The following CNTNAP2 variants were observed in gnomAD, a reference collection of about 807,000 sequenced individuals.
The protein encoded by CNTNAP2 is contactin-associated protein-like 2.
Under a neutral mutation model 155.2 loss-of-function variants are expected in CNTNAP2, and 98 were observed. That is an observed-to-expected ratio of 0.63 (90% confidence interval 0.54 to 0.75). CNTNAP2 has a LOEUF of 0.75. Ranked by LOEUF, CNTNAP2 falls within the 30% of genes least tolerant of loss-of-function variation. The probability of loss-of-function intolerance (pLI) is 0.00; values close to 1 mark genes in which losing one functional copy is unlikely to be tolerated. For synonymous variants in CNTNAP2, 651 were observed against 631.2 expected, an observed-to-expected ratio of 1.03 and a Z score of -0.47; for missense variants, 1,727 against 1,688.1, an observed-to-expected ratio of 1.02 and a Z score of -0.40.
intron 15 of CNTNAP2, among the ~76,000 whole-genome samples, chr7:148,077,638 C>T (rs983126983): frequency 1.3e-5 from 2 of 151,974 alleles, no homozygotes; most frequent in African/African-American, 4.8e-5. Flanking sequence ...TTCTTTTTTT[C>T]GGATATAAAA....
At chr7:146,584,679 G>T (rs749252019) in intron 1 of CNTNAP2, among the ~76,000 whole-genome samples, 15 of 152,090 alleles carry the variant, frequency 9.9e-5, no homozygotes, top group Non-Finnish European at 1.8e-4. Flanking sequence ...TCTTCCAGAA[G>T]CCGGCCCTGC....
At chr7:148,283,842 A>G (rs1797032610) in intron 21 of CNTNAP2, among the ~76,000 whole-genome samples, 1 of 152,216 alleles carries the variant, frequency 6.6e-6, no homozygotes. Context: ...AATGTTAATA[A>G]ATCAACAACA....
intron 1 of CNTNAP2, among the ~76,000 whole-genome samples, chr7:146,670,151 C>A (rs1324832758): frequency 6.6e-6 from 1 of 152,124 alleles, no homozygotes. Flanking sequence ...CCAGATACTA[C>A]TAGGCCAAGT....
chr7:147,175,619 T>C (rs1802323865), intron 8 of CNTNAP2, among the ~76,000 whole-genome samples: 1 of 152,152 alleles, frequency 6.6e-6, no homozygotes, highest in African/African-American at 2.4e-5. Context: ...TTCACACATC[T>C]ATTTAAAGAT....
At chr7:147,849,177 C>T (rs1798875950) in intron 13 of CNTNAP2, among the ~76,000 whole-genome samples, 2 of 152,112 alleles carry the variant, frequency 1.3e-5, no homozygotes, top group South Asian at 4.1e-4. Context: ...TGACCATTAG[C>T]ATAATATAGT....
At chr7:148,297,438 C>T (rs1026852285) in intron 21 of CNTNAP2, among the ~76,000 whole-genome samples, 1 of 152,152 alleles carries the variant, frequency 6.6e-6, no homozygotes. Flanking sequence ...CCACTAGGAG[C>T]CCACCTGTAG....
At chr7:146,841,397 T>C (rs751503990) in intron 3 of CNTNAP2, among the ~76,000 whole-genome samples, 7 of 151,384 alleles carry the variant, frequency 4.6e-5, no homozygotes, top group Middle Eastern at 3.4e-3. Context: ...GAGGGAGAAA[T>C]CAAGTGGCCA....
rs58880022 is a variant in CNTNAP2 at position 147,608,883 on chromosome 7, G to A, written c.1898-30223G>A. On this transcript the variant is annotated intron_variant, in intron 12 of 23. Coordinates refer to ENST00000361727, the MANE Select transcript of CNTNAP2 (RefSeq NM_014141.6). The stretch of plus-strand genomic sequence containing the variant: ...GTAGTGGAAAATTACAGTCAAAGGG[G>A]GTTGTTCTCTGGCAGGCAGGGGCGG... Among the ~76,000 whole-genome samples, 1,149 of 152,182 alleles carry A rather than the reference G, an allele frequency of 7.6e-3. 17 individuals are homozygous for A. The highest frequency in any genetic ancestry group is 0.026 in the African/African-American group (1,092 of 41,520).
At chr7:147,225,636 A>G (rs565450249) in intron 8 of CNTNAP2, among the ~76,000 whole-genome samples, 6 of 152,254 alleles carry the variant, frequency 3.9e-5, no homozygotes, top group African/African-American at 1.4e-4. Flanking sequence ...AAAATGAAAC[A>G]GCATTAGGAC....
chr7:148,092,485 T>C (rs1160998908), intron 15 of CNTNAP2, among the ~76,000 whole-genome samples: 2 of 152,150 alleles, frequency 1.3e-5, no homozygotes, highest in Non-Finnish European at 2.9e-5. Context: ...GGACCATGGA[T>C]CAAATGCACT....
chr7:146,361,335 G>T (rs1405309365), intron 1 of CNTNAP2, among the ~76,000 whole-genome samples: 1 of 152,160 alleles, frequency 6.6e-6, no homozygotes, highest in Non-Finnish European at 1.5e-5. Context: ...CTGGGCTTGA[G>T]TATGTGCAGA....
At chr7:146,162,390 A>G (rs962439735) in intron 1 of CNTNAP2, among the ~76,000 whole-genome samples, 2 of 152,252 alleles carry the variant, frequency 1.3e-5, no homozygotes, top group Non-Finnish European at 2.9e-5. Context: ...TATGCAGCCA[A>G]CAGACACATG....
At chr7:147,991,406 C>T (rs1801708221) in intron 15 of CNTNAP2, among the ~76,000 whole-genome samples, 1 of 152,174 alleles carries the variant, frequency 6.6e-6, no homozygotes, top group African/African-American at 2.4e-5. Flanking sequence ...AGAAAACTTG[C>T]ACAGACAATA....
chr7:146,134,474 T>C (rs1466202826), intron 1 of CNTNAP2, among the ~76,000 whole-genome samples: 1 of 151,560 alleles, frequency 6.6e-6, no homozygotes, highest in African/African-American at 2.4e-5. Context: ...AGAGAGGGCA[T>C]CCCTGTCTTA....
chr7:147,418,132 C>G (rs1797229890), intron 10 of CNTNAP2, among the ~76,000 whole-genome samples: 2 of 152,270 alleles, frequency 1.3e-5, no homozygotes, highest in East Asian at 3.9e-4. Context: ...TTCTATGGTA[C>G]TTACTTATTT....
intron 2 of CNTNAP2, among the ~76,000 whole-genome samples, chr7:146,793,706 G>C (rs1802718589): frequency 6.6e-6 from 1 of 152,226 alleles, no homozygotes; most frequent in Non-Finnish European, 1.5e-5. Context: ...GTAGCATTCA[G>C]CACTAGCTCC....
At chr7:146,885,364 A>T (rs1040816667) in intron 3 of CNTNAP2, among the ~76,000 whole-genome samples, 1 of 152,172 alleles carries the variant, frequency 6.6e-6, no homozygotes, top group Non-Finnish European at 1.5e-5. Flanking sequence ...CCAGGGATCC[A>T]GTAGTCTAAT....
At chr7:147,273,357 T>G (rs1000561372) in intron 8 of CNTNAP2, among the ~76,000 whole-genome samples, 1 of 152,262 alleles carries the variant, frequency 6.6e-6, no homozygotes, top group Non-Finnish European at 1.5e-5. Flanking sequence ...ACATCTTTAA[T>G]TTTTATTATT....
At chr7:147,902,814 A>ACGTG (rs1799893734) in intron 13 of CNTNAP2, among the ~76,000 whole-genome samples, 1 of 127,326 alleles carries the variant, frequency 7.9e-6, no homozygotes, top group African/African-American at 3.0e-5. Flanking sequence ...GTGTGTGTGT[A>ACGTG]TGTGTGTGTG....
Sources: gnomAD v4.1 joint callset for allele counts (sites outside exome capture counted in the v4.1 genomes callset) on GRCh38, gnomAD v4.1.1 for gene constraint, MANE v1.5 for transcripts, NCBI Gene and HGNC (gene_info 2026-07-23, HGNC 2026-07-21) for gene names.